Variants in CFI observed in about 807,000 individuals in gnomAD.
CFI encodes the protein C3B/C4B inactivator.
A neutral mutation model predicts 78.8 loss-of-function variants in CFI; 66 were observed. The observed-to-expected ratio is 0.84, with a 90% CI of 0.69 to 1.03. CFI has a LOEUF of 1.03. Ranked by LOEUF, CFI falls within the 50% of genes least tolerant of loss-of-function variation. The pLI, the probability that CFI is intolerant of heterozygous loss-of-function variation, is 0.00. For synonymous variants in CFI, 250 were observed against 232.6 expected (o/e 1.07, Z -0.68); for missense variants, 706 against 704.5 (o/e 1.00, Z -0.02).
chr4:109,765,787 C>G (rs1727657802), intron 2 of CFI, among the ~76,000 whole-genome samples: 1 of 151,778 alleles, frequency 6.6e-6, no homozygotes, highest in Non-Finnish European at 1.5e-5. Flanking sequence ...GGGGTCAGGG[C>G]TGGGGGAGAG....
At chr4:109,782,898 G>T (rs745586837) in intron 1 of CFI, among the ~76,000 whole-genome samples, 2 of 151,964 alleles carry the variant, frequency 1.3e-5, no homozygotes, top group African/African-American at 4.8e-5. Flanking sequence ...ACTGATCTTC[G>T]ACAAAGCAAG....
At position 109,760,560 on chromosome 4, in the gene CFI, A is replaced by T. The variant is rs758650703; in HGVS notation, c.735T>A (p.Asn245Lys). 1.9e-6 allele frequency: 3 copies of T among 1,608,974 alleles called. No individual in the cohort carries two copies. Among genetic ancestry groups the T allele is most frequent in the South Asian group, 2.2e-5 (2 of 90,952 alleles). Residue 245 changes from asparagine to lysine, a missense_variant, in exon 5 of 13, where the codon AAT becomes AAA. Physicochemically the swap from Asn to Lys is moderately conservative, Grantham distance 94 (BLOSUM62 0). Coordinates refer to ENST00000394634, the MANE Select transcript of CFI (RefSeq NM_000204.5). ...ISQMKACDGI[N>K]DCGDQSDELC... is the part of the protein sequence containing the mutation. ...GTTCATCACTTTGGTCTCCACAATC[A>T]TTGATACCATCACAGGCTTTCATCT...
chr4:109,757,938 T>C, intron 6 of CFI, 155 bp from the exon 7 acceptor site: 1 of 1,463,208 alleles, frequency 6.8e-7, no homozygotes, highest in Non-Finnish European at 9.1e-7. Flanking sequence ...TGATTTACCT[T>C]GAATTGTAGG....
At chr4:109,741,250 T>G (rs1156912737) in intron 12 of CFI, 140 bp from the exon 13 acceptor site, 3 of 1,498,280 alleles carry the variant, frequency 2.0e-6, no homozygotes, top group Non-Finnish European at 2.6e-6. Context: ...TTAGAGTCCC[T>G]GGCTGGGCTT....
At chr4:109,756,105 CA>C (rs1244985552) in intron 7 of CFI, among the ~76,000 whole-genome samples, 1 of 151,678 alleles carries the variant, frequency 6.6e-6, no homozygotes, top group Non-Finnish European at 1.5e-5. Context: ...TGCATGCAAA[CA>C]AAAAAACGTA....
Position 109,790,952 on chromosome 4 carries a change from A to G in CFI, c.57+10963T>C, listed in dbSNP as rs180891169. ...ATGATAGAACAATTTGTACTCCTTT[A>G]GGTATATACCCAGTAATGGGATTGC... On this transcript the variant is annotated intron_variant, in intron 1 of 12. Coordinates refer to ENST00000394634, the MANE Select transcript of CFI (RefSeq NM_000204.5). 2.0e-5 allele frequency among the ~76,000 whole-genome samples: 3 copies of G among 152,182 alleles called. No homozygotes were observed. The East Asian group carries it at 5.8e-4, about 29-fold the overall frequency.
intron 1 of CFI, among the ~76,000 whole-genome samples, chr4:109,789,223 T>A (rs759478725): frequency 6.6e-6 from 1 of 151,922 alleles, no homozygotes; most frequent in Admixed American, 6.6e-5. Context: ...AGTAGCCTAG[T>A]ACATATGTAA....
At chr4:109,798,655 T>A (rs751878856) in intron 1 of CFI, among the ~76,000 whole-genome samples, 5 of 151,976 alleles carry the variant, frequency 3.3e-5, no homozygotes, top group Non-Finnish European at 7.4e-5. Flanking sequence ...GTTGAAAATT[T>A]TTGGTTGACA....
chr4:109,753,956 A>C (rs1234491481), intron 7 of CFI, among the ~76,000 whole-genome samples: 1 of 143,546 alleles, frequency 7.0e-6, no homozygotes, highest in Admixed American at 7.2e-5. Context: ...TATATATTTG[A>C]TATTTTTATC....
intron 3 of CFI, 122 bp downstream of exon 3, chr4:109,764,415 G>A: frequency 9.3e-7 from 1 of 1,079,822 alleles, no homozygotes; most frequent in Non-Finnish European, 1.4e-6. Context: ...ATGCTATGAT[G>A]CACATAGTTA....
At chr4:109,744,443 G>A (rs1349048346) in intron 11 of CFI, among the ~76,000 whole-genome samples, 1 of 152,148 alleles carries the variant, frequency 6.6e-6, no homozygotes, top group East Asian at 1.9e-4. Context: ...CCTGACCTGT[G>A]GCCTCTGGTT....
intron 1 of CFI, among the ~76,000 whole-genome samples, chr4:109,791,600 CT>C (rs1731390701): frequency 1.3e-5 from 2 of 152,180 alleles, no homozygotes; most frequent in South Asian, 4.2e-4. Context: ...TTTAATCTAT[CT>C]TGAGTTAATT....
intron 10 of CFI, among the ~76,000 whole-genome samples, chr4:109,747,166 T>C (rs532991773): frequency 6.6e-6 from 1 of 152,144 alleles, no homozygotes; most frequent in Non-Finnish European, 1.5e-5. Flanking sequence ...TACATTTTCA[T>C]ATCAAGTTTC....
intron 10 of CFI, among the ~76,000 whole-genome samples, chr4:109,748,925 G>A (rs1305676287): frequency 6.6e-6 from 1 of 152,180 alleles, no homozygotes; most frequent in Non-Finnish European, 1.5e-5. Context: ...CAAAATGTAA[G>A]TAGTACCTAC....
At position 109,766,555 on chromosome 4, in the gene CFI, T is replaced by C. The variant is rs1326745453; in HGVS notation, c.327A>G (p.Glu109=). Reference sequence around the variant, plus strand: ...ACTTGAAAACTAGTCTCTTGCTACCTTCGGCTGTGCATGTTCCGTTATTTA... The same window carrying C: ...ACTTGAAAACTAGTCTCTTGCTACCCTCGGCTGTGCATGTTCCGTTATTTA... ...KFLNNGTCTA[E]GKFSVSLKHG... is the part of the protein sequence containing the mutation. Residue 109 remains glutamate (E), a splice_region_variant and synonymous_variant, in exon 2 of 13, where the codon GAA becomes GAG. Transcript: ENST00000394634. 1 of 1,614,168 alleles carries C rather than the reference T, an allele frequency of 6.2e-7. No homozygotes were observed.
the CFI span, among the ~76,000 whole-genome samples, chr4:109,731,080 C>T: frequency 6.6e-6 from 1 of 152,122 alleles, no homozygotes; most frequent in African/African-American, 2.4e-5. Context: ...AGACCAAGCG[C>T]GGTGGTTTAC....
At chr4:109,741,601 C>T (rs1048628681) in intron 12 of CFI, among the ~76,000 whole-genome samples, 1 of 152,178 alleles carries the variant, frequency 6.6e-6, no homozygotes, top group Non-Finnish European at 1.5e-5. Flanking sequence ...GGACTTGAAC[C>T]CAGGCAACCA....
chr4:109,755,220 G>A (rs970724200), intron 7 of CFI, among the ~76,000 whole-genome samples: 4 of 152,150 alleles, frequency 2.6e-5, no homozygotes, highest in Admixed American at 2.0e-4. Flanking sequence ...TATAAAAATT[G>A]AAGTTAATAA....
Position 109,761,603 on chromosome 4 carries a change from G to T in CFI, c.572C>A (p.Thr191Asn). The T allele has an allele frequency of 6.2e-7, 1 of 1,613,768 alleles. No individual in the cohort carries two copies. Among genetic ancestry groups the T allele is most frequent in the South Asian group, 1.1e-5 (1 of 91,078 alleles). ...AGTAAAAGTACATTCAGCCAAACTG[G>T]TCTCTAATCCTCGGCAATGCACATG... ...CLHVHCRGLE[T>N]SLAECTFTKR... Residue 191 changes from threonine to asparagine, a missense_variant, in exon 4 of 13, where the codon ACC (threonine) becomes AAC (asparagine). Physicochemically the swap from Thr to Asn is moderately conservative, Grantham distance 65. Coordinates refer to ENST00000394634, the MANE Select transcript of CFI (RefSeq NM_000204.5).
Sources: allele counts gnomAD v4.1 joint callset (sites outside exome capture counted in the v4.1 genomes callset), GRCh38; gene constraint gnomAD v4.1.1; transcripts MANE v1.5; gene names NCBI Gene and HGNC (gene_info 2026-07-23, HGNC 2026-07-21).